MALRD1: variants seen among roughly 807,000 people sequenced by gnomAD.
The protein encoded by MALRD1 is MAM and LDL-receptor class A domain-containing protein 1.
A neutral mutation model predicts 242.1 loss-of-function variants in MALRD1; 247 were observed. The ratio of observed to expected loss-of-function variants is 1.02; its 90% CI spans 0.92 to 1.13. The LOEUF is 1.13. Ranked by LOEUF, MALRD1 falls within the 50% of genes most tolerant of loss-of-function variation. The pLI is 0.00. For synonymous variants in MALRD1, 995 were observed against 866.6 expected (o/e 1.15, Z -2.60); for missense variants, 2,989 against 2,533.1 (o/e 1.18, Z -3.86).
In MALRD1 at chr10:19,052,294, T is replaced by G. The variant is rs551155365; in HGVS notation, c.199+3157T>G. The stretch of plus-strand genomic sequence containing the variant: ...ATTTTCTAGATACGTCTTGTAGACC[T>G]CAAAGTACTGGAAAGGAAGCTCCCA... On this transcript the variant is annotated intron_variant, in intron 1 of 39. Coordinates refer to ENST00000454679, the MANE Select transcript of MALRD1 (RefSeq NM_001142308.3). The G allele has an allele frequency of 3.7e-3, 675 of 181,410 alleles. 2 individuals are homozygous for G. The highest frequency in any genetic ancestry group is 6.1e-3 in the Non-Finnish European group (528 of 86,072). 11.2% of individuals were successfully genotyped at this position (181,410 alleles called of 1,614,324 possible).
chr10:19,376,827 C>T (rs558872026), intron 26 of MALRD1, among the ~76,000 whole-genome samples: 2 of 152,056 alleles, frequency 1.3e-5, no homozygotes, highest in South Asian at 2.1e-4. Context: ...GATCTGACCA[C>T]CTCGGCCTCC....
intron 33 of MALRD1, among the ~76,000 whole-genome samples, chr10:19,587,134 C>T (rs1284852739): frequency 6.6e-6 from 1 of 152,202 alleles, no homozygotes; most frequent in African/African-American, 2.4e-5. Context: ...TCTGGCACTC[C>T]CTAGTGAGAT....
At chr10:19,282,969 A>G (rs539333417) in intron 20 of MALRD1, 50 bp from the exon 21 acceptor site, 759 of 1,380,964 alleles carry the variant, frequency 5.5e-4, no homozygotes, top group Non-Finnish European at 7.0e-4. Flanking sequence ...TTGTACAGAT[A>G]GAAACTGCCA....
intron 2 of MALRD1, among the ~76,000 whole-genome samples, chr10:19,085,608 C>T (rs1374383687): frequency 1.3e-5 from 2 of 151,742 alleles, no homozygotes. Flanking sequence ...TGATAAAATA[C>T]AGAATAATTT....
chr10:19,291,463 A>AG (rs1401127320), intron 21 of MALRD1: 1 of 151,956 alleles, frequency 6.6e-6, no homozygotes, highest in Non-Finnish European at 1.5e-5. Flanking sequence ...GGATCACTTG[A>AG]GCCCAGGAAA....
intron 11 of MALRD1, among the ~76,000 whole-genome samples, chr10:19,148,145 CA>C (rs1038260915): frequency 5.9e-5 from 9 of 151,338 alleles, no homozygotes; most frequent in African/African-American, 2.2e-4. Context: ...AGGCTGGAGT[CA>C]AAAAAACATG....
chr10:19,490,456 C>G (rs1482529192), intron 29 of MALRD1, among the ~76,000 whole-genome samples: 1 of 140,020 alleles, frequency 7.1e-6, no homozygotes, highest in Non-Finnish European at 1.5e-5. Flanking sequence ...CTGATGTAAA[C>G]AGTCATACCT....
At chr10:19,188,118 G>T (rs1259788904) in intron 14 of MALRD1, among the ~76,000 whole-genome samples, 1 of 152,126 alleles carries the variant, frequency 6.6e-6, no homozygotes, top group Non-Finnish European at 1.5e-5. Context: ...ATGAGACTGG[G>T]AGCATTTTGA....
Position 19,378,008 on chromosome 10 carries a change from C to T in MALRD1, c.4442-9520C>T, listed in dbSNP as rs150354074. Among the ~76,000 whole-genome samples, 1,141 of 152,152 alleles carry T rather than the reference C, an allele frequency of 7.5e-3. 6 individuals are homozygous for T. Among genetic ancestry groups the T allele is most frequent in the Non-Finnish European group, 0.011 (747 of 67,946 alleles). ...AATTCTGTGATTAAAGTAAGCTGGA[C>T]GCACAGATTTTAAAACATAATTGGA... On this transcript the variant is annotated intron_variant, in intron 26 of 39. Transcript: ENST00000454679.
intron 28 of MALRD1, among the ~76,000 whole-genome samples, chr10:19,446,874 C>G (rs1442588228): frequency 6.6e-6 from 1 of 152,108 alleles, no homozygotes; most frequent in African/African-American, 2.4e-5. Context: ...GGAAAAGTCC[C>G]TCAGCAGTGG....
chr10:19,260,976 G>A (rs78599907), intron 19 of MALRD1, among the ~76,000 whole-genome samples: 3,390 of 152,166 alleles, frequency 0.022, 123 homozygotes, highest in African/African-American at 0.077. Flanking sequence ...ATTAAGGATC[G>A]GACTGTGATT....
chr10:19,539,852 T>TTTTGTG (rs1554795755), intron 32 of MALRD1, among the ~76,000 whole-genome samples: 4,167 of 62,944 alleles, frequency 0.066, 145 homozygotes, highest in African/African-American at 0.08. Flanking sequence ...ACACCCAGCT[T>TTTTGTG]TGTGCGTGTG....
At chr10:19,128,200 C>T (rs770221150) in intron 7 of MALRD1, 21 bp from the exon 8 acceptor site, 32 of 1,232,350 alleles carry the variant, frequency 2.6e-5, no homozygotes, top group Non-Finnish European at 3.1e-5. Flanking sequence ...TAAATTGCTT[C>T]TTTTTTCTTT....
intron 10 of MALRD1, among the ~76,000 whole-genome samples, chr10:19,137,675 C>T (rs1588600020): frequency 6.6e-6 from 1 of 151,610 alleles, no homozygotes; most frequent in East Asian, 1.9e-4. Flanking sequence ...GGCCAAAGTG[C>T]CCCAACACCT....
At chr10:19,544,426 G>T (rs912843402) in intron 32 of MALRD1, among the ~76,000 whole-genome samples, 3 of 152,048 alleles carry the variant, frequency 2.0e-5, no homozygotes, top group African/African-American at 7.2e-5. Context: ...GACCTCAAGT[G>T]ATTCGCCCAC....
chr10:19,103,517 A>T (rs1299642142), intron 4 of MALRD1, among the ~76,000 whole-genome samples: 1 of 142,000 alleles, frequency 7.0e-6, no homozygotes, highest in African/African-American at 2.6e-5. Flanking sequence ...GTGCCACTGC[A>T]CTCCGGCCTG....
chr10:19,602,157 T>TC (rs945595322), intron 34 of MALRD1, among the ~76,000 whole-genome samples: 1 of 37,254 alleles, frequency 2.7e-5, no homozygotes, highest in African/African-American at 1.0e-4. Flanking sequence ...CAATTTTCTT[T>TC]TTTTTTTTTT....
At chr10:19,467,414 A>AAAAAAAG (rs1836276164) in intron 29 of MALRD1, among the ~76,000 whole-genome samples, 2 of 117,572 alleles carry the variant, frequency 1.7e-5, no homozygotes, top group African/African-American at 6.2e-5. Flanking sequence ...AAAAAAAAAG[A>AAAAAAAG]AAAAGACCTT....
intron 1 of MALRD1, among the ~76,000 whole-genome samples, chr10:19,056,458 A>G (rs2131212914): frequency 6.6e-6 from 1 of 152,108 alleles, no homozygotes; most frequent in East Asian, 1.9e-4. Flanking sequence ...GCTATTGTAA[A>G]TGGGATAGTT....
Sources: gnomAD v4.1 joint callset for allele counts (sites outside exome capture counted in the v4.1 genomes callset) on GRCh38, gnomAD v4.1.1 for gene constraint, MANE v1.5 for transcripts, NCBI Gene and HGNC (gene_info 2026-07-23, HGNC 2026-07-21) for gene names.